Variants in ABCG1 observed in about 807,000 individuals in gnomAD.
ABCG1 encodes the protein ATP-binding cassette sub-family G member 1.
ABCG1 carries 29 observed loss-of-function variants against 69.2 expected under a neutral mutation model. The ratio of observed to expected loss-of-function variants is 0.42; its 90% CI spans 0.31 to 0.57. ABCG1 has a LOEUF of 0.57. Ranked by LOEUF, ABCG1 falls within the 20% of genes least tolerant of loss-of-function variation. The pLI, the probability that ABCG1 is intolerant of heterozygous loss-of-function variation, is 0.15. For synonymous variants in ABCG1, 370 were observed against 374.8 expected, an observed-to-expected ratio of 0.99 and a Z score of 0.15; for missense variants, 718 against 898.1, an observed-to-expected ratio of 0.80 and a Z score of 2.56.
chr21:42,212,705 ATT>A (rs35840150), upstream of ABCG1, among the ~76,000 whole-genome samples: 19,123 of 139,882 alleles, frequency 0.14, 1,313 homozygotes, highest in East Asian at 0.24. Flanking sequence ...TTAAAAACAG[ATT>A]TTTTTTTTTT....
At chr21:42,216,936 C>G (rs2067647394), upstream of ABCG1, among the ~76,000 whole-genome samples, 1 of 152,174 alleles carries the variant, frequency 6.6e-6, no homozygotes. Flanking sequence ...TTTGACCCCA[C>G]TGTACAGACA....
At chr21:42,201,980 C>T (rs1016055972) in intron 2 of ABCG1, among the ~76,000 whole-genome samples, 4 of 152,212 alleles carry the variant, frequency 2.6e-5, no homozygotes, top group African/African-American at 9.7e-5. Context: ...CTGCCCTTGT[C>T]CCCCAAACCA....
At chr21:42,294,802 T>A (rs2069171779) in intron 14 of ABCG1, 142 bp downstream of exon 14, 1 of 725,972 alleles carries the variant, frequency 1.4e-6, no homozygotes, top group Admixed American at 1.9e-5. Context: ...AGGCCTTCCA[T>A]CTTCCTGCTA....
intron 1 of ABCG1, among the ~76,000 whole-genome samples, chr21:42,222,131 G>A (rs1226745371): frequency 6.6e-6 from 1 of 152,202 alleles, no homozygotes; most frequent in Non-Finnish European, 1.5e-5. Context: ...CAATGCTTCA[G>A]TAGGATAGGG....
At chr21:42,281,930 T>C (rs1167855105) in intron 5 of ABCG1, among the ~76,000 whole-genome samples, 1 of 152,234 alleles carries the variant, frequency 6.6e-6, no homozygotes, top group Non-Finnish European at 1.5e-5. Flanking sequence ...GGCACTGGGC[T>C]AGGCTTAGCA....
rs1039687311 is a variant in ABCG1 at position 42,262,881 on chromosome 21, C to T, written c.287-8189C>T. Reference sequence around the variant, plus strand: ...CGGAGTGACAGGAGCAAGGCTGGCGCGGTGCCCACCCCAGTGAGCTCTGGC... The same window carrying T: ...CGGAGTGACAGGAGCAAGGCTGGCGTGGTGCCCACCCCAGTGAGCTCTGGC... On this transcript the variant is annotated intron_variant, in intron 2 of 14. Transcript: ENST00000398449. 3.3e-5 allele frequency among the ~76,000 whole-genome samples: 5 copies of T among 152,230 alleles called. No homozygotes were observed. In the South Asian group the frequency reaches 6.2e-4, roughly 19 times the overall value.
At chr21:42,253,339 T>A (rs985868867) in intron 2 of ABCG1, among the ~76,000 whole-genome samples, 4 of 152,098 alleles carry the variant, frequency 2.6e-5, no homozygotes, top group Non-Finnish European at 5.9e-5. Flanking sequence ...GGAAGGATCA[T>A]CCCAGCCATC....
upstream of ABCG1, among the ~76,000 whole-genome samples, chr21:42,211,747 G>T (rs1321294996): frequency 2.6e-5 from 4 of 151,932 alleles, no homozygotes; most frequent in African/African-American, 9.7e-5. Context: ...AAATTAGCTG[G>T]GCACGGTGGC....
rs4148130 is a variant in ABCG1 at position 42,280,483 on chromosome 21, G to T, written c.589-1791G>T. On this transcript the variant is annotated intron_variant, in intron 5 of 14. Transcript: ENST00000398449. ...TGGAGCGCCCGCCGGGAAGCCCCAG[G>T]GGGGCTGGAGCTACAAGTGGCCTTG... 2.6e-5 allele frequency among the ~76,000 whole-genome samples: 4 copies of T among 152,284 alleles called. No individual in the cohort carries two copies. The East Asian group carries it at 7.7e-4, about 29-fold the overall frequency.
chr21:42,253,138 G>A (rs185126006), intron 2 of ABCG1, among the ~76,000 whole-genome samples: 1 of 152,172 alleles, frequency 6.6e-6, no homozygotes. Context: ...TGGGACAAAG[G>A]CTGTTCCCAG....
chr21:42,288,632 A>AG lies in ABCG1; in HGVS notation c.1224+326dup, dbSNP rs1270031952. On this transcript the variant is annotated intron_variant, in intron 10 of 14. Transcript: ENST00000398449. The surrounding 1 kb of genome is among the most constrained non-coding windows in gnomAD (Gnocchi z 4.8). The stretch of plus-strand genomic sequence containing the variant: ...TGGGGCAGGAGAACTGCTTGAACCC[A>AG]GGGGGGCGGAGATTGCAGTGAGCCG... Among the ~76,000 whole-genome samples the AG allele has an allele frequency of 1.3e-5, 2 of 151,876 alleles. No homozygotes were observed. Among genetic ancestry groups the AG allele is most frequent in the African/African-American group, 4.8e-5 (2 of 41,346 alleles).
intron 2 of ABCG1, among the ~76,000 whole-genome samples, chr21:42,252,547 C>G (rs2068239485): frequency 6.6e-6 from 1 of 152,108 alleles, no homozygotes; most frequent in African/African-American, 2.4e-5. Context: ...GTTTGAGACT[C>G]AGCCATGGCT....
At chr21:42,213,650 A>G (rs2067610983), upstream of ABCG1, among the ~76,000 whole-genome samples, 1 of 152,240 alleles carries the variant, frequency 6.6e-6, no homozygotes, top group Non-Finnish European at 1.5e-5. Context: ...AAACCCATGT[A>G]GGAGGTGCCA....
chr21:42,264,016 C>T (rs1196207397), intron 2 of ABCG1, among the ~76,000 whole-genome samples: 1 of 152,210 alleles, frequency 6.6e-6, no homozygotes, highest in Non-Finnish European at 1.5e-5. Context: ...AGAAGCTGGT[C>T]TTGCTCACGT....
At position 42,225,703 on chromosome 21, in the gene ABCG1, G is replaced by T. The variant is rs2067804610; in HGVS notation, c.75G>T (p.Glu25Asp). 3 of 1,613,406 alleles carry T rather than the reference G, an allele frequency of 1.9e-6. No homozygotes were observed. Among genetic ancestry groups the T allele is most frequent in the Non-Finnish European group, 2.5e-6 (3 of 1,179,952 alleles). The change falls in exon 2 of 15, where the codon GAG (glutamate) becomes GAT (aspartate). Residue 25 changes from glutamate (E) to aspartate (D), a missense_variant. Transcript: ENST00000398449. ...GCAGTTACTCTGCAGAGATGACGGA[G>T]CCCAAGTCGGTGTGTGTCTCGGTGG... ...NASSYSAEMT[E>D]PKSVCVSVDE...
chr21:42,258,320 A>G (rs947157121), intron 2 of ABCG1, among the ~76,000 whole-genome samples: 1 of 139,728 alleles, frequency 7.2e-6, no homozygotes, highest in African/African-American at 2.7e-5. Context: ...CCCTCCCTTC[A>G]TGTCTTCCTC....
chr21:42,261,926 G>C (rs1428102993), intron 2 of ABCG1, among the ~76,000 whole-genome samples: 1 of 152,196 alleles, frequency 6.6e-6, no homozygotes, highest in Non-Finnish European at 1.5e-5. Context: ...AGTGCAGGTG[G>C]ACAACACGCC....
upstream of ABCG1, among the ~76,000 whole-genome samples, chr21:42,213,428 C>T (rs1228198847): frequency 6.6e-6 from 1 of 152,266 alleles, no homozygotes; most frequent in Admixed American, 6.5e-5. Context: ...TCAGAGGATG[C>T]TTTGGAGAGC....
chr21:42,253,238 A>G (rs1186181478), intron 2 of ABCG1, among the ~76,000 whole-genome samples: 2 of 152,160 alleles, frequency 1.3e-5, no homozygotes, highest in African/African-American at 2.4e-5. Context: ...GGGCAGAAAC[A>G]TAAAGACCAG....
Sources: allele counts gnomAD v4.1 joint callset (sites outside exome capture counted in the v4.1 genomes callset), GRCh38; gene constraint gnomAD v4.1.1; non-coding constraint Gnocchi (gnomAD v3.1); transcripts MANE v1.5; gene names NCBI Gene and HGNC (gene_info 2026-07-23, HGNC 2026-07-21).